Variants in DLG2 observed in about 807,000 individuals in gnomAD.
DLG2 encodes disks large homolog 2.
DLG2 carries 45 observed loss-of-function variants against 132.5 expected under a neutral mutation model. The observed-to-expected ratio is 0.34, with a 90% CI of 0.27 to 0.44. The LOEUF (loss-of-function observed/expected upper bound fraction) is 0.44. Ranked by LOEUF, DLG2 falls within the 20% of genes least tolerant of loss-of-function variation. DLG2 has a pLI of 1.00. For synonymous variants in DLG2, 424 were observed against 419.6 expected (o/e 1.01, Z -0.13); for missense variants, 1,045 against 1,196.9 (o/e 0.87, Z 1.87).
chr11:83,887,345 C>T (rs536604730), intron 15 of DLG2, among the ~76,000 whole-genome samples: 2 of 151,878 alleles, frequency 1.3e-5, no homozygotes, highest in East Asian at 1.9e-4. Context: ...ACTAGAAAAT[C>T]TAGAAGAAAT....
At chr11:84,723,179 A>G (rs909381067) in intron 6 of DLG2, among the ~76,000 whole-genome samples, 3 of 152,114 alleles carry the variant, frequency 2.0e-5, no homozygotes, top group African/African-American at 7.2e-5. Context: ...AAACACCCCA[A>G]AAGTATTGTA....
rs145961652 is a variant in DLG2 at position 85,365,466 on chromosome 11, C to T, written c.41-80101G>A. Among the ~76,000 whole-genome samples the T allele has an allele frequency of 4.2e-3, 641 of 152,240 alleles. 9 individuals carry two copies. Among genetic ancestry groups the T allele is most frequent in the African/African-American group, 0.014 (594 of 41,550 alleles). ...ATCTGTGTTAACCTTTAAAATTGAA[C>T]TTCTGTATCTTCAATTGAACCAGTA... On this transcript the variant is annotated intron_variant, in intron 3 of 27. Coordinates refer to ENST00000376104, the MANE Select transcript of DLG2 (RefSeq NM_001142699.3).
At chr11:85,460,100 G>A (rs751505195) in intron 3 of DLG2, among the ~76,000 whole-genome samples, 3 of 152,220 alleles carry the variant, frequency 2.0e-5, no homozygotes, top group Non-Finnish European at 2.9e-5. Context: ...CAGACAGGGG[G>A]TGGCTGGAGA....
intron 16 of DLG2, among the ~76,000 whole-genome samples, chr11:83,860,227 A>G (rs572463036): frequency 6.6e-6 from 1 of 152,180 alleles, no homozygotes; most frequent in Non-Finnish European, 1.5e-5. Flanking sequence ...TCCAGACCCC[A>G]GAATGATAGA....
intron 16 of DLG2, among the ~76,000 whole-genome samples, chr11:83,873,940 G>A (rs1405419116): frequency 6.6e-6 from 1 of 152,196 alleles, no homozygotes; most frequent in East Asian, 1.9e-4. Flanking sequence ...TGTATCACAA[G>A]TGTGTGTTTG....
At chr11:83,554,701 C>T (rs939292739) in intron 19 of DLG2, among the ~76,000 whole-genome samples, 2 of 152,248 alleles carry the variant, frequency 1.3e-5, no homozygotes, top group Admixed American at 6.5e-5. Context: ...GAGCTTGGAG[C>T]AGAAGATGTT....
At chr11:85,563,286 A>C in intron 3 of DLG2, among the ~76,000 whole-genome samples, 1 of 151,868 alleles carries the variant, frequency 6.6e-6, no homozygotes, top group African/African-American at 2.4e-5. Flanking sequence ...ACAAATGTCT[A>C]TAGTCATGTA....
At chr11:83,867,012 T>G (rs558323976) in intron 16 of DLG2, among the ~76,000 whole-genome samples, 40 of 152,342 alleles carry the variant, frequency 2.6e-4, no homozygotes, top group Non-Finnish European at 4.1e-4. Flanking sequence ...GGAATCATTA[T>G]ACAAGTTTGT....
intron 18 of DLG2, among the ~76,000 whole-genome samples, chr11:83,678,328 A>G (rs1278653810): frequency 6.6e-6 from 1 of 152,222 alleles, no homozygotes; most frequent in Non-Finnish European, 1.5e-5. Context: ...ATAGAAGTAA[A>G]TGTTCTGCAA....
At chr11:84,777,273 GTGTGTGTGTA>G in intron 6 of DLG2, among the ~76,000 whole-genome samples, 1 of 112,304 alleles carries the variant, frequency 8.9e-6, no homozygotes, top group African/African-American at 3.4e-5. Flanking sequence ...GTATGTATAT[GTGTGTGTGTA>G]TATATATATA....
chr11:83,822,398 C>T (rs1594938450), intron 17 of DLG2, among the ~76,000 whole-genome samples: 2 of 152,252 alleles, frequency 1.3e-5, no homozygotes, highest in East Asian at 3.9e-4. Flanking sequence ...CAAATAATCC[C>T]CGATGGTCAT....
At chr11:84,327,302 C>T (rs1051245293) in intron 7 of DLG2, among the ~76,000 whole-genome samples, 20 of 151,724 alleles carry the variant, frequency 1.3e-4, no homozygotes, top group Admixed American at 3.3e-4. Context: ...AGGCAGGTCT[C>T]GAACTCCTGA....
chr11:85,460,165 C>T (rs1045384804), intron 3 of DLG2, among the ~76,000 whole-genome samples: 1 of 152,174 alleles, frequency 6.6e-6, no homozygotes, highest in Non-Finnish European at 1.5e-5. Context: ...GCCTGGAGTC[C>T]ACTGCTGCTC....
intron 14 of DLG2, among the ~76,000 whole-genome samples, chr11:83,950,525 C>T (rs1842966): frequency 0.017 from 2,638 of 152,254 alleles, 81 homozygotes; most frequent in African/African-American, 0.06. Flanking sequence ...ATGCGAGAGA[C>T]GAGGTTTCAG....
chr11:84,691,112 C>A (rs2057981683), intron 6 of DLG2, among the ~76,000 whole-genome samples: 1 of 151,776 alleles, frequency 6.6e-6, no homozygotes, highest in Non-Finnish European at 1.5e-5. Flanking sequence ...TCATTTGGGT[C>A]CAGCTCAAAT....
At chr11:84,424,671 T>A (rs2098960811) in intron 7 of DLG2, among the ~76,000 whole-genome samples, 1 of 152,114 alleles carries the variant, frequency 6.6e-6, no homozygotes, top group African/African-American at 2.4e-5. Context: ...CTTTTATGTA[T>A]CAATATATTT....
At chr11:84,523,596 G>T (rs1181158470) in intron 7 of DLG2, among the ~76,000 whole-genome samples, 3 of 152,198 alleles carry the variant, frequency 2.0e-5, no homozygotes, top group Non-Finnish European at 2.9e-5. Context: ...AAATATGGGA[G>T]GGATGTAGAA....
intron 6 of DLG2, among the ~76,000 whole-genome samples, chr11:84,615,951 T>C (rs1381971525): frequency 6.6e-6 from 1 of 151,310 alleles, no homozygotes; most frequent in Non-Finnish European, 1.5e-5. Flanking sequence ...AAGAAAAATA[T>C]ATATAGTGAC....
intron 15 of DLG2, among the ~76,000 whole-genome samples, chr11:83,899,722 C>A (rs112878740): frequency 0.012 from 1,877 of 152,306 alleles, 9 homozygotes; most frequent in Non-Finnish European, 0.019. Flanking sequence ...AAGCCTCTTT[C>A]TTTTGTAGAT....
Sources: gnomAD v4.1 joint callset for allele counts (sites outside exome capture counted in the v4.1 genomes callset) on GRCh38, gnomAD v4.1.1 for gene constraint, MANE v1.5 for transcripts, NCBI Gene and HGNC (gene_info 2026-07-23, HGNC 2026-07-21) for gene names.